Variants in NBAS observed in about 807,000 individuals in gnomAD.
NBAS encodes NAG/BC035112 fusion.
In NBAS, 219 loss-of-function variants were observed where a neutral mutation model predicts 302.5. The observed-to-expected ratio is 0.72, with a 90% CI of 0.65 to 0.81. The LOEUF is 0.81. Among genes scored for constraint, NBAS ranks in the 30% least tolerant of loss-of-function variants. The probability of loss-of-function intolerance (pLI) is 0.00; values close to 1 mark genes in which losing one functional copy is unlikely to be tolerated. For missense variants in NBAS, 2,932 were observed against 2,841.6 expected (o/e 1.03, Z -0.72); for synonymous variants, 1,118 against 1,021.6 (o/e 1.09, Z -1.80).
the NBAS span, among the ~76,000 whole-genome samples, chr2:14,860,484 G>A: frequency 1.3e-5 from 2 of 152,086 alleles, no homozygotes; most frequent in Non-Finnish European, 2.9e-5. Context: ...TAAACACAAT[G>A]GAATATTTCT....
intron 44 of NBAS, among the ~76,000 whole-genome samples, chr2:15,250,364 A>G (rs1336945120): frequency 1.3e-5 from 2 of 152,248 alleles, no homozygotes; most frequent in East Asian, 3.8e-4. Flanking sequence ...AAAACCCTAG[A>G]AGAAAATCTA....
chr2:14,852,487 G>A, the NBAS span, among the ~76,000 whole-genome samples: 8 of 103,084 alleles, frequency 7.8e-5, 3 homozygotes, highest in African/African-American at 1.9e-4. Context: ...AATCAATATC[G>A]TGAAAATGGG....
chr2:15,541,417 A>G (rs1663811831), intron 6 of NBAS, among the ~76,000 whole-genome samples: 1 of 152,214 alleles, frequency 6.6e-6, no homozygotes, highest in Non-Finnish European at 1.5e-5. Context: ...TGTGAATTCT[A>G]TAACGGAAGT....
At chr2:15,311,370 T>G (rs994595340) in intron 38 of NBAS, among the ~76,000 whole-genome samples, 1 of 152,200 alleles carries the variant, frequency 6.6e-6, no homozygotes, top group Admixed American at 6.5e-5. Flanking sequence ...AGAGCATCAC[T>G]CTAGCACACA....
At chr2:15,335,241 T>C (rs1672528525) in intron 35 of NBAS, among the ~76,000 whole-genome samples, 1 of 151,562 alleles carries the variant, frequency 6.6e-6, no homozygotes, top group South Asian at 2.1e-4. Flanking sequence ...GTAATAAACA[T>C]GCCAGAACTT....
At chr2:15,082,588 C>T in the NBAS span, among the ~76,000 whole-genome samples, 1 of 152,194 alleles carries the variant, frequency 6.6e-6, no homozygotes, top group Non-Finnish European at 1.5e-5. Context: ...CTCTCTCTTG[C>T]TCCCTCCTTT....
At position 15,363,171 on chromosome 2, in the gene NBAS, C is replaced by G. The variant is rs1482317336; in HGVS notation, c.3817+3409G>C. 5.9e-5 allele frequency among the ~76,000 whole-genome samples: 9 copies of G among 152,292 alleles called. No individual in the cohort carries two copies. In the East Asian group the frequency reaches 1.7e-3, roughly 29 times the overall value. On this transcript the variant is annotated intron_variant, in intron 32 of 51. Transcript: ENST00000281513. ...CATATCCACAGAGTTCCCTCCTGCT[C>G]CTGATCTTCTCTTCCTGACTGACTG...
the NBAS span, among the ~76,000 whole-genome samples, chr2:14,972,094 C>T: frequency 2.2e-3 from 340 of 152,190 alleles, no homozygotes; most frequent in African/African-American, 7.9e-3. Flanking sequence ...ATGTGGTACA[C>T]ATACACCATG....
intron 50 of NBAS, among the ~76,000 whole-genome samples, chr2:15,185,008 T>C (rs1385318645): frequency 6.6e-6 from 1 of 152,204 alleles, no homozygotes; most frequent in Non-Finnish European, 1.5e-5. Context: ...AAAGGAAAAC[T>C]GACAGTAACA....
At chr2:15,462,405 C>T (rs2148562105) in intron 19 of NBAS, among the ~76,000 whole-genome samples, 1 of 152,230 alleles carries the variant, frequency 6.6e-6, no homozygotes, top group Admixed American at 6.5e-5. Flanking sequence ...ACATAAAAGA[C>T]AATGAAAAGT....
chr2:15,551,356 C>T (rs1047973884), intron 6 of NBAS, 137 bp downstream of exon 6: 68 of 464,836 alleles, frequency 1.5e-4, no homozygotes, highest in Non-Finnish European at 2.3e-4. Context: ...AAAAAAAAAG[C>T]AGTTTTTAAA....
the NBAS span, among the ~76,000 whole-genome samples, chr2:14,944,191 G>A: frequency 6.6e-6 from 1 of 151,728 alleles, no homozygotes; most frequent in Admixed American, 6.6e-5. Flanking sequence ...TCCCAGCTAC[G>A]CGGGAGGCTG....
At chr2:14,816,216 C>A in the NBAS span, among the ~76,000 whole-genome samples, 11 of 152,222 alleles carry the variant, frequency 7.2e-5, no homozygotes, top group Admixed American at 1.3e-4. Flanking sequence ...CTGTCAGGAA[C>A]CGGACCACAG....
chr2:15,339,221 C>T (rs958442768), intron 35 of NBAS, among the ~76,000 whole-genome samples: 4 of 151,980 alleles, frequency 2.6e-5, no homozygotes, highest in Admixed American at 6.6e-5. Flanking sequence ...GATGAACCCA[C>T]AAAGTAAGTT....
the NBAS span, among the ~76,000 whole-genome samples, chr2:14,845,555 C>A: frequency 2.6e-5 from 4 of 152,282 alleles, no homozygotes; most frequent in South Asian, 2.1e-4. Flanking sequence ...ACCAAATGAA[C>A]TAAATAAGAC....
the NBAS span, among the ~76,000 whole-genome samples, chr2:15,141,506 A>G: frequency 1.3e-5 from 2 of 152,260 alleles, no homozygotes; most frequent in East Asian, 3.9e-4. Context: ...TTCTTACTCC[A>G]TATTCTAGAG....
the NBAS span, among the ~76,000 whole-genome samples, chr2:14,988,930 T>C: frequency 2.0e-5 from 3 of 152,186 alleles, no homozygotes; most frequent in African/African-American, 7.2e-5. Context: ...TAACCTCAGT[T>C]CTATGAGTTT....
intron 30 of NBAS, among the ~76,000 whole-genome samples, chr2:15,378,962 T>C (rs1279261089): frequency 6.6e-6 from 1 of 152,176 alleles, no homozygotes; most frequent in Non-Finnish European, 1.5e-5. Flanking sequence ...AAATTAACTT[T>C]AAAAAAGCAA....
intron 42 of NBAS, among the ~76,000 whole-genome samples, chr2:15,284,596 T>G (rs1257721227): frequency 6.6e-6 from 1 of 152,196 alleles, no homozygotes; most frequent in African/African-American, 2.4e-5. Context: ...GGGAAAAAAT[T>G]ACTTTTTAAA....
Sources: allele counts gnomAD v4.1 joint callset (sites outside exome capture counted in the v4.1 genomes callset), GRCh38; gene constraint gnomAD v4.1.1; transcripts MANE v1.5; gene names NCBI Gene and HGNC (gene_info 2026-07-23, HGNC 2026-07-21).